Variants in TRPM6 observed in about 807,000 individuals in gnomAD.
The protein encoded by TRPM6 is transient receptor potential cation channel subfamily M member 6.
TRPM6 carries 111 observed loss-of-function variants against 247.6 expected under a neutral mutation model. The observed-to-expected ratio is 0.45, with a 90% confidence interval of 0.38 to 0.52. The LOEUF (loss-of-function observed/expected upper bound fraction) is 0.52, where lower values mean the gene tolerates loss of function less well. Among genes scored for constraint, TRPM6 ranks in the 20% least tolerant of loss-of-function variants. TRPM6 has a pLI of 0.00. For synonymous variants in TRPM6, 892 were observed against 853.8 expected (o/e 1.04, Z -0.78); for missense variants, 2,126 against 2,421.5 (o/e 0.88, Z 2.56).
At chr9:74,794,115 C>T (rs923743035) in intron 18 of TRPM6, among the ~76,000 whole-genome samples, 15 of 151,780 alleles carry the variant, frequency 9.9e-5, no homozygotes, top group Admixed American at 9.2e-4. Context: ...AAAGCAAAAG[C>T]GATATCACTC....
intron 5 of TRPM6, among the ~76,000 whole-genome samples, chr9:74,839,142 C>A (rs1829831403): frequency 6.6e-6 from 1 of 151,050 alleles, no homozygotes; most frequent in African/African-American, 2.4e-5. Context: ...AAGAAAACCA[C>A]AGGTTAGTAA....
intron 1 of TRPM6, among the ~76,000 whole-genome samples, chr9:74,873,743 A>C (rs1366694873): frequency 6.6e-6 from 1 of 152,156 alleles, no homozygotes; most frequent in African/African-American, 2.4e-5. Flanking sequence ...TTTTATCTTA[A>C]CATTTAGAAT....
At chr9:74,813,272 A>C (rs1828799971) in intron 11 of TRPM6, among the ~76,000 whole-genome samples, 1 of 152,232 alleles carries the variant, frequency 6.6e-6, no homozygotes, top group Non-Finnish European at 1.5e-5. Flanking sequence ...ACAAGAATGC[A>C]ACATTTTGGA....
At chr9:74,751,268 C>T (rs1692863653) in intron 29 of TRPM6, among the ~76,000 whole-genome samples, 1 of 152,092 alleles carries the variant, frequency 6.6e-6, no homozygotes, top group Non-Finnish European at 1.5e-5. Context: ...CTAGGTAGGC[C>T]TTTTCATAGT....
At chr9:74,832,135 A>C (rs1174956606) in intron 6 of TRPM6, among the ~76,000 whole-genome samples, 1 of 152,190 alleles carries the variant, frequency 6.6e-6, no homozygotes, top group African/African-American at 2.4e-5. Context: ...TCAAACTACC[A>C]ATTTACAGAA....
Position 74,745,307 on chromosome 9 carries a change from A to G in TRPM6, c.5084-1162T>C, listed in dbSNP as rs1253612134. ...GTGAGACCACATTGGTATTTATTCAATATACATTTATTGAGTACCTACTAT... is the reference window on the plus strand; with the variant it reads ...GTGAGACCACATTGGTATTTATTCAGTATACATTTATTGAGTACCTACTAT... On this transcript the variant is annotated intron_variant, in intron 31 of 38. Coordinates refer to ENST00000360774, the MANE Select transcript of TRPM6 (RefSeq NM_017662.5). Among the ~76,000 whole-genome samples the G allele has an allele frequency of 2.0e-5, 3 of 152,206 alleles. No individual in the cohort carries two copies. The East Asian group carries it at 5.8e-4, about 29-fold the overall frequency.
chr9:74,724,792 C>T lies in TRPM6; in HGVS notation c.5936-46G>A, dbSNP rs1357518848. ...AAGGTTATAGTGGAACCCCAAGAAC[C>T]TACTGTTCATGAAGACAAATGGGAC... On this transcript the variant is annotated intron_variant, in intron 38 of 38. Coordinates refer to ENST00000360774, the MANE Select transcript of TRPM6 (RefSeq NM_017662.5). 2.5e-6 allele frequency: 4 copies of T among 1,612,990 alleles called. No homozygotes were observed. In the Admixed American group the frequency reaches 5.0e-5, roughly 20 times the overall value.
At chr9:74,839,522 T>C (rs114357845) in intron 5 of TRPM6, among the ~76,000 whole-genome samples, 2,864 of 152,236 alleles carry the variant, frequency 0.019, 79 homozygotes, top group African/African-American at 0.062. Context: ...CTGACAATGA[T>C]TATATGAGTT....
chr9:74,879,752 C>T (rs1308953100), intron 1 of TRPM6, among the ~76,000 whole-genome samples: 1 of 152,190 alleles, frequency 6.6e-6, no homozygotes, highest in Non-Finnish European at 1.5e-5. Context: ...CTGTGCAACC[C>T]TTCCCCCATA....
At chr9:74,837,443 T>C (rs1038565509) in intron 5 of TRPM6, among the ~76,000 whole-genome samples, 3 of 152,062 alleles carry the variant, frequency 2.0e-5, no homozygotes, top group Non-Finnish European at 4.4e-5. Flanking sequence ...TTTTATGTTG[T>C]TGTTGTTTTC....
rs752528197 is a variant in TRPM6 at position 74,788,674 on chromosome 9, G to C, written c.2607C>G (p.Ser869Arg). The C allele has an allele frequency of 2.5e-6, 4 of 1,613,928 alleles. No homozygotes were observed. The highest frequency in any genetic ancestry group is 3.4e-6 in the Non-Finnish European group (4 of 1,179,940). ...AAATGCTAACAAGCCACTCCTGCAC[G>C]CTGGGCTGGGGCTGCATCTCCACCA... ...TVLVEMQPQPSVQEWLVSIYI... is the reference protein window; with the variant it reads ...TVLVEMQPQPRVQEWLVSIYI... Residue 869 changes from serine to arginine, a missense_variant, in exon 20 of 39, where the codon AGC becomes AGG. By Grantham distance (110) the Ser-to-Arg change is moderately radical. This residue lies in a region of TRPM6 where 1,082 missense variants were observed against 1,307.9 expected (regional missense o/e 0.83). Coordinates refer to ENST00000360774, the MANE Select transcript of TRPM6 (RefSeq NM_017662.5).
chr9:74,783,327 T>C (rs886773458), intron 21 of TRPM6, among the ~76,000 whole-genome samples: 1 of 152,200 alleles, frequency 6.6e-6, no homozygotes, highest in Non-Finnish European at 1.5e-5. Flanking sequence ...ACTCAGTCCA[T>C]TAGTTTACTG....
intron 9 of TRPM6, among the ~76,000 whole-genome samples, chr9:74,817,347 T>C (rs1178814971): frequency 6.6e-6 from 1 of 152,202 alleles, no homozygotes; most frequent in African/African-American, 2.4e-5. Flanking sequence ...ACTTTTGCTT[T>C]TTTTTCTCTT....
rs552028324 is a variant in TRPM6 at position 74,770,855 on chromosome 9, C to CA, written c.3536+847dup. 2.5e-4 allele frequency among the ~76,000 whole-genome samples: 38 copies of CA among 152,216 alleles called. 1 individual carries two copies. In the South Asian group the frequency reaches 4.1e-3, roughly 17 times the overall value. ...TATTGCCACATTACGCAAAATCCAACAAAAAAACCTTACCGTGTCCCCATA... is the reference window on the plus strand; with the variant it reads ...TATTGCCACATTACGCAAAATCCAACAAAAAAAACCTTACCGTGTCCCCATA... On this transcript the variant is annotated intron_variant, in intron 25 of 38. Coordinates refer to ENST00000360774, the MANE Select transcript of TRPM6 (RefSeq NM_017662.5).
chr9:74,821,097 T>C (rs1170899650), intron 8 of TRPM6, among the ~76,000 whole-genome samples: 2 of 152,192 alleles, frequency 1.3e-5, no homozygotes, highest in Non-Finnish European at 2.9e-5. Context: ...GTCAACATTT[T>C]AGTTCTTAGG....
At chr9:74,805,529 G>A in intron 14 of TRPM6, among the ~76,000 whole-genome samples, 1 of 152,210 alleles carries the variant, frequency 6.6e-6, no homozygotes, top group Non-Finnish European at 1.5e-5. Flanking sequence ...CCATAGAACT[G>A]AGATGTTGCT....
At position 74,782,850 on chromosome 9, in the gene TRPM6, C is replaced by T. The variant is rs1827512876; in HGVS notation, c.2923G>A (p.Ala975Thr). 1 of 1,613,926 alleles carries T rather than the reference C, an allele frequency of 6.2e-7. No individual in the cohort carries two copies. The highest frequency in any genetic ancestry group is 8.5e-7 in the Non-Finnish European group (1 of 1,179,992). ...PYVTMIAKMT[A>T]NMFYIVIIMA... ...ATGATCACAATATAGAACATGTTTG[C>T]TGTCTGCAAAAGAGCATAGTACAAC... is the stretch of plus-strand genomic sequence containing the variant. Residue 975 changes from alanine (A) to threonine (T), a missense_variant, in exon 22 of 39, where the codon GCA becomes ACA. Ala to Thr is a moderately conservative substitution (Grantham distance 58). This residue lies in a region of TRPM6 where 1,082 missense variants were observed against 1,307.9 expected (regional missense o/e 0.83). Coordinates refer to ENST00000360774, the MANE Select transcript of TRPM6 (RefSeq NM_017662.5).
chr9:74,726,470 A>C (rs1208007256), intron 38 of TRPM6, among the ~76,000 whole-genome samples: 1 of 152,194 alleles, frequency 6.6e-6, no homozygotes, highest in Non-Finnish European at 1.5e-5. Context: ...AGATTGCCCC[A>C]CTACACTCCA....
At chr9:74,756,835 A>C (rs1826443975) in intron 27 of TRPM6, among the ~76,000 whole-genome samples, 1 of 151,890 alleles carries the variant, frequency 6.6e-6, no homozygotes, top group South Asian at 2.1e-4. Flanking sequence ...TGACAGAGTG[A>C]AACCCTGTCT....
Sources: gnomAD v4.1 joint callset for allele counts (sites outside exome capture counted in the v4.1 genomes callset) on GRCh38, gnomAD v4.1.1 for gene constraint, gnomAD v4.1.1 regional missense constraint, MANE v1.5 for transcripts, NCBI Gene and HGNC (gene_info 2026-07-23, HGNC 2026-07-21) for gene names.